The following NAT1 variants were observed in gnomAD, a reference collection of about 807,000 sequenced individuals.
NAT1 encodes arylamine N-acetyltransferase 1.
For synonymous variants in NAT1, 144 were observed against 122.6 expected (o/e 1.17, Z -1.16); for missense variants, 400 against 339.2 (o/e 1.18, Z -1.41).
intron 2 of NAT1, among the ~76,000 whole-genome samples, chr8:18,186,790 G>A (rs1802755618): frequency 6.6e-6 from 1 of 152,074 alleles, no homozygotes; most frequent in African/African-American, 2.4e-5. Flanking sequence ...GCTAAAAATT[G>A]ACAAATGGGA....
chr8:18,178,113 G>T (rs1802362607), intron 2 of NAT1, among the ~76,000 whole-genome samples: 1 of 152,134 alleles, frequency 6.6e-6, no homozygotes, highest in African/African-American at 2.4e-5. Context: ...ATGGGAAATG[G>T]CAAGTGCTAG....
upstream of NAT1, among the ~76,000 whole-genome samples, chr8:18,205,708 G>A (rs1239389607): frequency 1.3e-5 from 2 of 152,216 alleles, no homozygotes; most frequent in African/African-American, 4.8e-5. Flanking sequence ...TGGGCCCTAG[G>A]GAAGCTGCAG....
chr8:18,177,788 CAT>C (rs1360549791), intron 2 of NAT1, among the ~76,000 whole-genome samples: 1 of 152,120 alleles, frequency 6.6e-6, no homozygotes, highest in African/African-American at 2.4e-5. Context: ...ACTTTATTAA[CAT>C]GTGTATCGTT....
intron 1 of NAT1, chr8:18,211,482 A>G (rs1804096610): frequency 6.6e-6 from 1 of 152,240 alleles, no homozygotes; most frequent in East Asian, 1.9e-4. Context: ...TCAACTTTCT[A>G]CCTGCACGCT....
intron 2 of NAT1, among the ~76,000 whole-genome samples, chr8:18,190,466 C>G (rs979220583): frequency 6.6e-6 from 1 of 152,214 alleles, no homozygotes; most frequent in Non-Finnish European, 1.5e-5. Flanking sequence ...AAGAGTGTTT[C>G]CTCTTTACCC....
chr8:18,214,300 A>G (rs533038408), intron 1 of NAT1, among the ~76,000 whole-genome samples: 3 of 152,278 alleles, frequency 2.0e-5, no homozygotes, highest in South Asian at 4.1e-4. Context: ...AACCGAAACT[A>G]TCAGGATAGC....
chr8:18,203,425 A>C (rs186438251), intron 2 of NAT1, among the ~76,000 whole-genome samples: 1 of 152,326 alleles, frequency 6.6e-6, no homozygotes, highest in East Asian at 1.9e-4. Flanking sequence ...TCTACTGGTA[A>C]GATAAGTTTA....
chr8:18,201,420 G>T (rs548948907), intron 2 of NAT1, among the ~76,000 whole-genome samples: 1 of 152,258 alleles, frequency 6.6e-6, no homozygotes, highest in East Asian at 1.9e-4. Flanking sequence ...CAGGCATCCA[G>T]GACAGTGATC....
upstream of NAT1, among the ~76,000 whole-genome samples, chr8:18,206,383 G>T (rs1340839010): frequency 6.6e-6 from 1 of 152,172 alleles, no homozygotes; most frequent in Non-Finnish European, 1.5e-5. Flanking sequence ...GGTGGCAGCT[G>T]TTTTACGTGG....
At chr8:18,204,893 C>T (rs929822998) in intron 2 of NAT1, among the ~76,000 whole-genome samples, 27 of 152,100 alleles carry the variant, frequency 1.8e-4, no homozygotes, top group Non-Finnish European at 1.9e-4. Context: ...GTTTTGATTG[C>T]GGTGTAAAGT....
At chr8:18,219,995 G>A (rs1281923129) in intron 2 of NAT1, among the ~76,000 whole-genome samples, 1 of 152,208 alleles carries the variant, frequency 6.6e-6, no homozygotes, top group African/African-American at 2.4e-5. Context: ...AAGAAGGAAT[G>A]ATATTCTAAG....
At chr8:18,202,304 A>G (rs111664759) in intron 2 of NAT1, among the ~76,000 whole-genome samples, 147 of 152,330 alleles carry the variant, frequency 9.7e-4, no homozygotes, top group African/African-American at 3.4e-3. Context: ...ATTTAGGGTT[A>G]CCTAGCTAAC....
At chr8:18,209,455 T>C (rs1391044793), upstream of NAT1, among the ~76,000 whole-genome samples, 1 of 152,226 alleles carries the variant, frequency 6.6e-6, no homozygotes, top group Non-Finnish European at 1.5e-5. Context: ...AACATGTATA[T>C]TGGGTCAATA....
intron 2 of NAT1, among the ~76,000 whole-genome samples, chr8:18,185,379 CATT>C (rs1802692563): frequency 6.6e-6 from 1 of 151,978 alleles, no homozygotes; most frequent in East Asian, 1.9e-4. Flanking sequence ...CAGTTTTATG[CATT>C]ATATTTTTTC....
At chr8:18,192,614 G>A (rs1308479196) in intron 2 of NAT1, among the ~76,000 whole-genome samples, 3 of 152,128 alleles carry the variant, frequency 2.0e-5, no homozygotes, top group South Asian at 4.1e-4. Flanking sequence ...TGATAGACTG[G>A]ATTAAGAAAA....
intron 2 of NAT1, among the ~76,000 whole-genome samples, chr8:18,186,859 C>T (rs539224830): frequency 6.6e-6 from 1 of 152,232 alleles, no homozygotes; most frequent in Middle Eastern, 3.4e-3. Context: ...TGTAAACAGA[C>T]AACCTACAGA....
At chr8:18,206,358 T>G (rs891227030), upstream of NAT1, among the ~76,000 whole-genome samples, 8 of 152,172 alleles carry the variant, frequency 5.3e-5, no homozygotes, top group African/African-American at 1.9e-4. Flanking sequence ...AGTATACCAG[T>G]CATCTCGGTC....
At chr8:18,178,687 C>T (rs1372511990) in intron 2 of NAT1, among the ~76,000 whole-genome samples, 1 of 152,066 alleles carries the variant, frequency 6.6e-6, no homozygotes, top group African/African-American at 2.4e-5. Context: ...ATAATGTGGA[C>T]AATTGAGTCA....
In NAT1 at chr8:18,199,549, C is replaced by A. The variant is rs73666898; in HGVS notation, n.93-10232C>A. Among the ~76,000 whole-genome samples, 488 of 152,136 alleles carry A rather than the reference C, an allele frequency of 3.2e-3. 2 individuals carry two copies. The highest frequency in any genetic ancestry group is 0.011 in the African/African-American group (453 of 41,496). On this transcript the variant is annotated intron_variant and non_coding_transcript_variant, in intron 2 of 4. Transcript: ENST00000517441. ...TTTAAGGAGTCTTCTGCCTTCCTTG[C>A]GGAGTTCCAAGAATCATTGGAAGGT...
Sources: gnomAD v4.1 joint callset for allele counts (sites outside exome capture counted in the v4.1 genomes callset) on GRCh38, gnomAD v4.1.1 for gene constraint, MANE v1.5 for transcripts, NCBI Gene and HGNC (gene_info 2026-07-23, HGNC 2026-07-21) for gene names.